The following SAXO1 variants were observed in gnomAD, a reference collection of about 807,000 sequenced individuals.
SAXO1 encodes 4930500O09Rik.
SAXO1 carries 21 observed loss-of-function variants against 17.5 expected under a neutral mutation model. That is an observed-to-expected ratio of 1.20 (90% CI 0.85 to 1.72). SAXO1 has a LOEUF of 1.72. Ranked by LOEUF, SAXO1 falls within the 40% of genes most tolerant of loss-of-function variation. SAXO1 has a pLI of 0.00. For missense variants in SAXO1, 843 were observed against 596.0 expected (o/e 1.41, Z -4.32); for synonymous variants, 274 against 216.5 (o/e 1.27, Z -2.33).
intron 3 of SAXO1, among the ~76,000 whole-genome samples, chr9:18,929,979 T>G (rs1357487816): frequency 6.6e-6 from 1 of 152,222 alleles, no homozygotes; most frequent in African/African-American, 2.4e-5. Flanking sequence ...TGGGTATGAT[T>G]CTCTCCATTC....
intron 1 of SAXO1, among the ~76,000 whole-genome samples, chr9:18,979,483 C>G (rs1833282582): frequency 6.6e-6 from 1 of 152,150 alleles, no homozygotes; most frequent in Admixed American, 6.5e-5. Context: ...AGGATTTGAG[C>G]AAAGGCTCAG....
intron 1 of SAXO1, among the ~76,000 whole-genome samples, chr9:19,038,322 G>C (rs1310979827): frequency 6.6e-6 from 1 of 151,996 alleles, no homozygotes; most frequent in African/African-American, 2.4e-5. Flanking sequence ...GTTTATTGCA[G>C]CACTATTCAC....
intron 1 of SAXO1, chr9:19,027,883 C>G: frequency 7.3e-7 from 1 of 1,369,172 alleles, no homozygotes; most frequent in Non-Finnish European, 1.0e-6. Flanking sequence ...GCCTGGACCG[C>G]AAGATCGAGT....
chr9:18,932,377 C>T (rs1244441338), intron 3 of SAXO1, among the ~76,000 whole-genome samples: 1 of 152,210 alleles, frequency 6.6e-6, no homozygotes, highest in Non-Finnish European at 1.5e-5. Flanking sequence ...AACTTAGTTG[C>T]ATTGGTCATT....
At chr9:18,956,265 A>G (rs1832256158) in intron 1 of SAXO1, among the ~76,000 whole-genome samples, 1 of 152,098 alleles carries the variant, frequency 6.6e-6, no homozygotes, top group African/African-American at 2.4e-5. Flanking sequence ...TTTCATGTTA[A>G]GAATTTTCAT....
chr9:18,955,249 A>G (rs75574288), intron 1 of SAXO1, among the ~76,000 whole-genome samples: 3,105 of 150,556 alleles, frequency 0.021, 94 homozygotes, highest in African/African-American at 0.07. Context: ...AAGTGAAATT[A>G]ATTTATTAAT....
chr9:18,969,764 T>G (rs1305136799), intron 1 of SAXO1, among the ~76,000 whole-genome samples: 1 of 152,212 alleles, frequency 6.6e-6, no homozygotes, highest in Non-Finnish European at 1.5e-5. Flanking sequence ...CACAGTCTTA[T>G]CTTATTCTTT....
chr9:18,996,308 T>C (rs185633715), intron 1 of SAXO1, among the ~76,000 whole-genome samples: 4 of 152,326 alleles, frequency 2.6e-5, no homozygotes, highest in African/African-American at 9.6e-5. Flanking sequence ...CAGGGATACA[T>C]TCTGAGAAAT....
intron 1 of SAXO1, among the ~76,000 whole-genome samples, chr9:19,000,174 C>A (rs1293220648): frequency 2.0e-5 from 3 of 150,626 alleles, no homozygotes; most frequent in African/African-American, 7.3e-5. Context: ...CTGGCCGCCA[C>A]CCTGTCTGGG....
upstream of SAXO1, among the ~76,000 whole-genome samples, chr9:19,034,670 C>T (rs1015079494): frequency 4.6e-5 from 7 of 152,268 alleles, no homozygotes; most frequent in African/African-American, 1.7e-4. Flanking sequence ...TGGGAAGCTG[C>T]TCCTTGCCTT....
chr9:18,930,092 A>C (rs1461417496), intron 3 of SAXO1, among the ~76,000 whole-genome samples: 2 of 152,238 alleles, frequency 1.3e-5, no homozygotes, highest in African/African-American at 4.8e-5. Context: ...TTGTCTCCAA[A>C]GCCATGTTCT....
At chr9:18,959,223 T>C (rs1832382666) in intron 1 of SAXO1, among the ~76,000 whole-genome samples, 1 of 152,140 alleles carries the variant, frequency 6.6e-6, no homozygotes, top group Admixed American at 6.5e-5. Context: ...GGGGTGGTCA[T>C]CATGGGGCAG....
chr9:19,025,853 A>G (rs1835449113), intron 1 of SAXO1, among the ~76,000 whole-genome samples: 1 of 150,608 alleles, frequency 6.6e-6, no homozygotes, highest in African/African-American at 2.5e-5. Context: ...TATTTATATT[A>G]CTTTACTAAA....
chr9:19,001,995 C>A (rs1834292602), intron 1 of SAXO1, among the ~76,000 whole-genome samples: 1 of 152,044 alleles, frequency 6.6e-6, no homozygotes, highest in Admixed American at 6.5e-5. Context: ...AGATAGCCCA[C>A]TAGCCAGACT....
chr9:18,933,940 G>A (rs920867816), intron 3 of SAXO1, among the ~76,000 whole-genome samples: 8 of 152,182 alleles, frequency 5.3e-5, no homozygotes, highest in Non-Finnish European at 8.8e-5. Context: ...CAGCTACTAG[G>A]GAGGCTGAGG....
At chr9:18,959,434 G>A (rs985311257) in intron 1 of SAXO1, among the ~76,000 whole-genome samples, 6 of 152,228 alleles carry the variant, frequency 3.9e-5, no homozygotes, top group East Asian at 3.9e-4. Flanking sequence ...TGCTGGCCTC[G>A]ACCCAGGGCA....
At chr9:18,936,827 T>C (rs1258332240) in intron 3 of SAXO1, among the ~76,000 whole-genome samples, 1 of 152,236 alleles carries the variant, frequency 6.6e-6, no homozygotes, top group Non-Finnish European at 1.5e-5. Flanking sequence ...CACAGTGTTT[T>C]GAAAATGTCA....
At chr9:18,991,129 A>G (rs1833794408) in intron 1 of SAXO1, among the ~76,000 whole-genome samples, 1 of 152,124 alleles carries the variant, frequency 6.6e-6, no homozygotes, top group Non-Finnish European at 1.5e-5. Flanking sequence ...AAGGTGGTGC[A>G]TGCCTGTAAT....
intron 1 of SAXO1, among the ~76,000 whole-genome samples, chr9:18,991,813 T>C (rs1833827518): frequency 6.6e-6 from 1 of 152,150 alleles, no homozygotes; most frequent in Non-Finnish European, 1.5e-5. Flanking sequence ...ACAGAAAAAT[T>C]GGCTTCCACA....
Sources: gnomAD v4.1 joint callset for allele counts (sites outside exome capture counted in the v4.1 genomes callset) on GRCh38, gnomAD v4.1.1 for gene constraint, MANE v1.5 for transcripts, NCBI Gene and HGNC (gene_info 2026-07-23, HGNC 2026-07-21) for gene names.